Variants in CCDC178 observed in about 807,000 individuals in gnomAD.
CCDC178 encodes coiled-coil domain-containing protein 178.
Under a neutral mutation model 117.4 loss-of-function variants are expected in CCDC178, and 126 were observed. That is an observed-to-expected ratio of 1.07 (90% confidence interval 0.93 to 1.24). CCDC178 has a LOEUF of 1.24. CCDC178 is among the 50% of genes most tolerant of loss of function. CCDC178 has a pLI of 0.00. For synonymous variants in CCDC178, 283 were observed against 313.4 expected (o/e 0.90, Z 1.02); for missense variants, 1,030 against 986.9 (o/e 1.04, Z -0.59).
intron 20 of CCDC178, among the ~76,000 whole-genome samples, chr18:33,111,434 C>T (rs916856764): frequency 2.6e-5 from 4 of 151,494 alleles, no homozygotes; most frequent in Admixed American, 2.6e-4. Flanking sequence ...ATCGCTAAGG[C>T]TTTGTAATAT....
chr18:33,133,962 A>G (rs1166603792), intron 20 of CCDC178, among the ~76,000 whole-genome samples: 1 of 151,972 alleles, frequency 6.6e-6, no homozygotes, highest in Non-Finnish European at 1.5e-5. Flanking sequence ...GGCAAAGAGG[A>G]AAATCATTAA....
At chr18:33,204,976 G>A (rs1340637618) in intron 20 of CCDC178, among the ~76,000 whole-genome samples, 11 of 151,996 alleles carry the variant, frequency 7.2e-5, no homozygotes, top group African/African-American at 2.4e-4. Context: ...AGAAGAAAAG[G>A]GGCCAAATTG....
At chr18:33,162,879 G>C (rs1439529057) in intron 20 of CCDC178, among the ~76,000 whole-genome samples, 1 of 152,128 alleles carries the variant, frequency 6.6e-6, no homozygotes, top group Non-Finnish European at 1.5e-5. Context: ...ATTGTGAATA[G>C]TGCTGCAATG....
At chr18:33,184,474 C>T (rs182105) in intron 20 of CCDC178, among the ~76,000 whole-genome samples, 24,485 of 151,814 alleles carry the variant, frequency 0.16, 2,753 homozygotes, top group African/African-American at 0.32. Context: ...GGACAAAAGA[C>T]TAAATAATAA....
chr18:33,351,148 A>ATATGTGTG (rs1555690740), intron 7 of CCDC178, among the ~76,000 whole-genome samples: 18 of 138,174 alleles, frequency 1.3e-4, no homozygotes, highest in African/African-American at 5.0e-4. Context: ...ACTGATCATG[A>ATATGTGTG]TGTGTGTGTG....
chr18:33,118,524 T>G (rs186794087), intron 20 of CCDC178, among the ~76,000 whole-genome samples: 258 of 152,128 alleles, frequency 1.7e-3, no homozygotes, highest in Non-Finnish European at 3.0e-3. Flanking sequence ...TACAAACCAC[T>G]GCTCAATGAA....
chr18:33,062,937 C>T (rs976311946), intron 21 of CCDC178, among the ~76,000 whole-genome samples: 12 of 152,150 alleles, frequency 7.9e-5, no homozygotes, highest in African/African-American at 2.9e-4. Context: ...AGCAGGCTGA[C>T]CAGTGTGCTA....
chr18:32,946,477 C>T (rs1033721681), intron 22 of CCDC178, among the ~76,000 whole-genome samples: 1 of 152,076 alleles, frequency 6.6e-6, no homozygotes, highest in South Asian at 2.1e-4. Context: ...ATGGTTATTA[C>T]AGAGAACACA....
Position 33,054,018 on chromosome 18 carries a change from T to C in CCDC178, c.2388+38743A>G, listed in dbSNP as rs571799018. ...AAACTTAAAACATCATACCAGAATGTCCAAGATCTACTCAGAGCAAGGTGT... is the reference window on the plus strand; with the variant it reads ...AAACTTAAAACATCATACCAGAATGCCCAAGATCTACTCAGAGCAAGGTGT... On this transcript the variant is annotated intron_variant, in intron 21 of 22. Transcript: ENST00000383096. 5.9e-5 allele frequency among the ~76,000 whole-genome samples: 9 copies of C among 152,232 alleles called. No individual in the cohort carries two copies. In the South Asian group the frequency reaches 1.7e-3, roughly 28 times the overall value.
intron 14 of CCDC178, among the ~76,000 whole-genome samples, chr18:33,248,733 G>C (rs537388081): frequency 6.6e-6 from 1 of 152,154 alleles, no homozygotes; most frequent in Admixed American, 6.5e-5. Context: ...ACATACGTTT[G>C]CATGTGTCTT....
chr18:33,331,026 CT>C (rs67153629), intron 10 of CCDC178, among the ~76,000 whole-genome samples: 172 of 45,046 alleles, frequency 3.8e-3, no homozygotes, highest in Admixed American at 0.016. Context: ...ACAAACATTG[CT>C]TTTTTTTTTT....
At chr18:33,062,349 C>G (rs1047052459) in intron 21 of CCDC178, among the ~76,000 whole-genome samples, 1 of 152,290 alleles carries the variant, frequency 6.6e-6, no homozygotes, top group East Asian at 1.9e-4. Flanking sequence ...TTCACGATGG[C>G]TGAATAGAGG....
intron 20 of CCDC178, among the ~76,000 whole-genome samples, chr18:33,119,099 A>G (rs942229817): frequency 5.3e-5 from 8 of 152,196 alleles, no homozygotes; most frequent in Non-Finnish European, 1.2e-4. Context: ...AAGAAAACCT[A>G]GGCAACATCA....
In CCDC178 at chr18:33,072,057, G is replaced by T. The variant is rs543288693; in HGVS notation, c.2388+20704C>A. On this transcript the variant is annotated intron_variant, in intron 21 of 22. Coordinates refer to ENST00000383096, the MANE Select transcript of CCDC178 (RefSeq NM_001105528.4). ...TCTTAAAAAGAGTATGATATGCAAG[G>T]ACTTGAAAAAAATCTTTTTGTCTTT... Among the ~76,000 whole-genome samples, 35 of 151,834 alleles carry T rather than the reference G, an allele frequency of 2.3e-4. No homozygotes were observed. In the East Asian group the frequency reaches 6.2e-3, roughly 27 times the overall value.
intron 14 of CCDC178, among the ~76,000 whole-genome samples, chr18:33,261,479 G>T (rs1264606590): frequency 6.6e-6 from 1 of 152,128 alleles, no homozygotes; most frequent in Non-Finnish European, 1.5e-5. Flanking sequence ...GTGGTCTTCT[G>T]GGTAGTATTA....
At chr18:33,042,313 A>G (rs1449917078) in intron 21 of CCDC178, among the ~76,000 whole-genome samples, 1 of 151,958 alleles carries the variant, frequency 6.6e-6, no homozygotes, top group Non-Finnish European at 1.5e-5. Context: ...AAAAATATTT[A>G]ATCTGACTGT....
At chr18:33,047,669 CTACAGAGTTA>C (rs1208062455) in intron 21 of CCDC178, among the ~76,000 whole-genome samples, 1 of 151,882 alleles carries the variant, frequency 6.6e-6, no homozygotes, top group Non-Finnish European at 1.5e-5. Flanking sequence ...AAAAATCTTT[CTACAGAGTTA>C]TACACTAAAC....
At chr18:33,127,686 G>A (rs1383165544) in intron 20 of CCDC178, among the ~76,000 whole-genome samples, 2 of 151,952 alleles carry the variant, frequency 1.3e-5, no homozygotes, top group East Asian at 1.9e-4. Context: ...CACCTTCCTC[G>A]GCCTCTCAAA....
In CCDC178 at chr18:33,147,001, C is replaced by G. The variant is rs570482431; in HGVS notation, c.2239-54091G>C. 6.8e-4 allele frequency among the ~76,000 whole-genome samples: 104 copies of G among 152,264 alleles called. No homozygotes were observed. The Middle Eastern group carries it at 0.02, about 30-fold the overall frequency. On this transcript the variant is annotated intron_variant, in intron 20 of 22. Coordinates refer to ENST00000383096, the MANE Select transcript of CCDC178 (RefSeq NM_001105528.4). Reference sequence around the variant, plus strand: ...ATTAAGAAAACTGTGAAGCCCTGATCCTGGCATATTCCACAACAGCCTCTT... The same window carrying G: ...ATTAAGAAAACTGTGAAGCCCTGATGCTGGCATATTCCACAACAGCCTCTT...
Sources: allele counts gnomAD v4.1 joint callset (sites outside exome capture counted in the v4.1 genomes callset), GRCh38; gene constraint gnomAD v4.1.1; transcripts MANE v1.5; gene names NCBI Gene and HGNC (gene_info 2026-07-23, HGNC 2026-07-21).